HS3ST4: variants seen among roughly 807,000 people sequenced by gnomAD.
HS3ST4 encodes the protein heparan sulfate glucosamine 3-O-sulfotransferase 4.
HS3ST4 carries 17 observed loss-of-function variants against 29.2 expected under a neutral mutation model. That is an observed-to-expected ratio of 0.58 (90% CI 0.40 to 0.87). The LOEUF (loss-of-function observed/expected upper bound fraction) is 0.87. HS3ST4 is among the 40% of genes least tolerant of loss of function. The probability of loss-of-function intolerance (pLI) is 0.00; values close to 1 mark genes in which losing one functional copy is unlikely to be tolerated. For missense variants in HS3ST4, 627 were observed against 634.5 expected, an observed-to-expected ratio of 0.99 and a Z score of 0.13; for synonymous variants, 314 against 285.7, an observed-to-expected ratio of 1.10 and a Z score of -1.00.
At chr16:26,075,842 C>T (rs1463513608) in intron 1 of HS3ST4, among the ~76,000 whole-genome samples, 1 of 152,122 alleles carries the variant, frequency 6.6e-6, no homozygotes, top group East Asian at 1.9e-4. Context: ...TTGGACATCC[C>T]CTTTTTTGAA....
chr16:25,857,924 CTTT>C (rs1967594489), intron 1 of HS3ST4, among the ~76,000 whole-genome samples: 122 of 42,174 alleles, frequency 2.9e-3, no homozygotes, highest in African/African-American at 8.6e-3. Context: ...TCCTTCCTTT[CTTT>C]CTTTCTTTCT....
chr16:25,748,319 A>G (rs1181316131), intron 1 of HS3ST4, among the ~76,000 whole-genome samples: 1 of 152,124 alleles, frequency 6.6e-6, no homozygotes, highest in Non-Finnish European at 1.5e-5. Flanking sequence ...TATTTTCAAT[A>G]CCATTTCTTT....
intron 1 of HS3ST4, among the ~76,000 whole-genome samples, chr16:25,954,808 T>TA (rs947978559): frequency 2.2e-4 from 33 of 151,678 alleles, no homozygotes; most frequent in South Asian, 1.3e-3. Flanking sequence ...TATTCCAAAA[T>TA]AAAAAAAAAT....
chr16:25,838,425 G>T (rs1967382714), intron 1 of HS3ST4, among the ~76,000 whole-genome samples: 1 of 152,206 alleles, frequency 6.6e-6, no homozygotes, highest in African/African-American at 2.4e-5. Context: ...AAAAGGCAAA[G>T]ATAATAGTTT....
At chr16:25,812,383 T>C (rs7184907) in intron 1 of HS3ST4, among the ~76,000 whole-genome samples, 3,492 of 152,314 alleles carry the variant, frequency 0.023, 139 homozygotes, top group African/African-American at 0.078. Flanking sequence ...GTACGTGTCC[T>C]TCCTGCTGTG....
intron 1 of HS3ST4, among the ~76,000 whole-genome samples, chr16:25,761,276 A>G (rs912630003): frequency 2.0e-5 from 3 of 152,202 alleles, no homozygotes; most frequent in Non-Finnish European, 2.9e-5. Context: ...GCCCTGCTCA[A>G]TAGGACATTC....
At chr16:25,830,178 T>G (rs1313035825) in intron 1 of HS3ST4, among the ~76,000 whole-genome samples, 1 of 152,208 alleles carries the variant, frequency 6.6e-6, no homozygotes, top group African/African-American at 2.4e-5. Flanking sequence ...GTTGAAGAGA[T>G]AAACTGTTAC....
intron 1 of HS3ST4, among the ~76,000 whole-genome samples, chr16:25,970,814 CA>C (rs1040664505): frequency 1.3e-5 from 2 of 152,040 alleles, no homozygotes; most frequent in Non-Finnish European, 2.9e-5. Context: ...ATTCCTTTCA[CA>C]GGGGCACCCT....
At chr16:25,960,131 C>T (rs1012229169) in intron 1 of HS3ST4, among the ~76,000 whole-genome samples, 5 of 151,918 alleles carry the variant, frequency 3.3e-5, no homozygotes, top group Admixed American at 2.0e-4. Flanking sequence ...AGTGAAACTC[C>T]GTCTCAAAAA....
At chr16:25,886,395 G>A (rs1003475596) in intron 1 of HS3ST4, among the ~76,000 whole-genome samples, 2 of 152,168 alleles carry the variant, frequency 1.3e-5, no homozygotes, top group African/African-American at 4.8e-5. Flanking sequence ...TCAACCGGCA[G>A]AACACCTAAA....
intron 1 of HS3ST4, among the ~76,000 whole-genome samples, chr16:25,919,532 A>T (rs1968326103): frequency 6.6e-6 from 1 of 152,192 alleles, no homozygotes; most frequent in Admixed American, 6.5e-5. Context: ...CACTGGCAAT[A>T]GCTGGTATTG....
chr16:26,044,289 C>T (rs62034540), intron 1 of HS3ST4, among the ~76,000 whole-genome samples: 13,445 of 152,146 alleles, frequency 0.088, 772 homozygotes, highest in East Asian at 0.23. Context: ...GGGACCATTG[C>T]GCAGGAAGAG....
chr16:25,894,093 C>G (rs1377273653), intron 1 of HS3ST4, among the ~76,000 whole-genome samples: 1 of 152,144 alleles, frequency 6.6e-6, no homozygotes, highest in Non-Finnish European at 1.5e-5. Flanking sequence ...CCTCAAGTCG[C>G]TATTTTCTTA....
At chr16:25,704,739 C>T (rs111399996) in intron 1 of HS3ST4, among the ~76,000 whole-genome samples, 10,631 of 152,074 alleles carry the variant, frequency 0.07, 438 homozygotes, top group African/African-American at 0.1. Flanking sequence ...ATTAGCCAAG[C>T]GTGGTGACAG....
chr16:26,121,995 T>G (rs868597412), intron 1 of HS3ST4, among the ~76,000 whole-genome samples: 8 of 152,104 alleles, frequency 5.3e-5, no homozygotes, highest in African/African-American at 1.9e-4. Flanking sequence ...AAGTGAGACG[T>G]TGCAATCACA....
rs1166552614 is a variant in HS3ST4 at position 25,692,233 on chromosome 16, C to G, written c.-185C>G. Reference sequence around the variant, plus strand: ...GGGGGGCCATGCGGCCGGGCTCCCCCCTGGCGCAGCGGGACAGCGGCCAGG... The same window carrying G: ...GGGGGGCCATGCGGCCGGGCTCCCCGCTGGCGCAGCGGGACAGCGGCCAGG... On this transcript the variant is annotated 5_prime_UTR_variant, in exon 1 of 2. Transcript: ENST00000331351. The G allele has an allele frequency of 6.7e-6, 1 of 149,204 alleles. No individual in the cohort carries two copies. The highest frequency in any genetic ancestry group is 1.5e-5 in the Non-Finnish European group (1 of 66,910). The allele number at this position is 149,204 out of a possible 1,614,324, so 9.2% of individuals were successfully genotyped here. A position where few individuals can be genotyped will look rare whatever the true frequency, so the allele number is the denominator to read the frequency against.
chr16:25,996,901 C>G (rs752444615), intron 1 of HS3ST4, among the ~76,000 whole-genome samples: 1 of 152,024 alleles, frequency 6.6e-6, no homozygotes, highest in Admixed American at 6.6e-5. Flanking sequence ...TTATTGATAT[C>G]TTGGTTGGTA....
chr16:25,915,744 C>A (rs1245179546), intron 1 of HS3ST4, among the ~76,000 whole-genome samples: 1 of 152,220 alleles, frequency 6.6e-6, no homozygotes, highest in Non-Finnish European at 1.5e-5. Flanking sequence ...GCTTACACCT[C>A]TCAATATTTA....
At chr16:25,754,204 AG>A (rs1464186843) in intron 1 of HS3ST4, among the ~76,000 whole-genome samples, 1 of 152,184 alleles carries the variant, frequency 6.6e-6, no homozygotes, top group Non-Finnish European at 1.5e-5. Flanking sequence ...CTTCTAGCTA[AG>A]CTAGAACTTA....
Sources: allele counts gnomAD v4.1 joint callset (sites outside exome capture counted in the v4.1 genomes callset), GRCh38; gene constraint gnomAD v4.1.1; transcripts MANE v1.5; gene names NCBI Gene and HGNC (gene_info 2026-07-23, HGNC 2026-07-21).